The following SYNGR1 variants were observed in gnomAD, a reference collection of about 807,000 sequenced individuals.
SYNGR1 encodes synaptogyrin-1.
In SYNGR1, 14 loss-of-function variants were observed where a neutral mutation model predicts 26.1. The ratio of observed to expected loss-of-function variants is 0.54; its 90% CI spans 0.35 to 0.84. SYNGR1 has a LOEUF of 0.84. SYNGR1 is among the 40% of genes least tolerant of loss of function. The pLI, the probability that SYNGR1 is intolerant of heterozygous loss-of-function variation, is 0.01. For synonymous variants in SYNGR1, 141 were observed against 150.1 expected (o/e 0.94, Z 0.44); for missense variants, 319 against 332.9 (o/e 0.96, Z 0.33).
chr22:39,370,247 C>T (rs867929210), intron 1 of SYNGR1, among the ~76,000 whole-genome samples: 4 of 152,102 alleles, frequency 2.6e-5, no homozygotes, highest in African/African-American at 7.2e-5. Context: ...TCTCCTGCCT[C>T]AGCCTCCTGA....
At chr22:39,351,284 T>C (rs1923895223) in intron 1 of SYNGR1, among the ~76,000 whole-genome samples, 1 of 152,210 alleles carries the variant, frequency 6.6e-6, no homozygotes, top group African/African-American at 2.4e-5. Context: ...AGCTTCCTCC[T>C]TTCCTTGGTT....
intron 2 of SYNGR1, 53 bp downstream of exon 2, chr22:39,374,606 C>G (rs759640966): frequency 1.3e-6 from 2 of 1,586,308 alleles, no homozygotes; most frequent in African/African-American, 2.7e-5. Flanking sequence ...AGGGCTGTCC[C>G]GGCCATAGGA....
rs1009381732 is a variant in SYNGR1, at chr22:39,350,282, G to C, written c.99+173G>C. 5.3e-5 allele frequency among the ~76,000 whole-genome samples: 8 copies of C among 151,858 alleles called. No homozygotes were observed. The highest frequency in any genetic ancestry group is 1.9e-4 in the African/African-American group (8 of 41,398). ...CCCGCTGCCGCCGCTCCTCCTTCCC[G>C]GGCCCGGGGCGGGCGGGATCCCTGG... On this transcript the variant is annotated intron_variant, in intron 1 of 3. Coordinates refer to ENST00000328933, the MANE Select transcript of SYNGR1 (RefSeq NM_004711.5). The surrounding 1 kb of genome is among the most constrained non-coding windows in gnomAD (Gnocchi z 4.3).
At chr22:39,355,099 T>G (rs141814352) in intron 1 of SYNGR1, among the ~76,000 whole-genome samples, 50 of 152,220 alleles carry the variant, frequency 3.3e-4, no homozygotes, top group Admixed American at 7.2e-4. Flanking sequence ...CTCGCTCCAA[T>G]AACGAGAACA....
chr22:39,378,041 C>T (rs78179516), intron 3 of SYNGR1: 439 of 1,191,960 alleles, frequency 3.7e-4, no homozygotes, highest in Middle Eastern at 1.1e-3. Context: ...AGGTAGGTAG[C>T]GGCCCCATAC....
chr22:39,375,686 G>A lies in SYNGR1; in HGVS notation c.338-366G>A, dbSNP rs967113405. 4 of 580,188 alleles carry A rather than the reference G, an allele frequency of 6.9e-6. No homozygotes were observed. The African/African-American group carries it at 7.5e-5, about 11-fold the overall frequency. 35.9% of individuals were successfully genotyped at this position (580,188 alleles called of 1,614,324 possible). On this transcript the variant is annotated intron_variant, in intron 2 of 3. Coordinates refer to ENST00000328933, the MANE Select transcript of SYNGR1 (RefSeq NM_004711.5). ...GACCGGGGGGGCCCACGTCAGCGGT[G>A]TGGCTGGACATGGGGGTTTGGCAGA...
intron 3 of SYNGR1, 47 bp downstream of exon 3, chr22:39,376,244 A>G: frequency 6.2e-7 from 1 of 1,612,748 alleles, no homozygotes; most frequent in Non-Finnish European, 8.5e-7. Flanking sequence ...CCCTTTCCCC[A>G]CTGAGCCCCT....
rs572259594 is a variant in SYNGR1, at chr22:39,373,175, AT to A, written c.100-1128del. On this transcript the variant is annotated intron_variant, in intron 1 of 3. Coordinates refer to ENST00000328933, the MANE Select transcript of SYNGR1 (RefSeq NM_004711.5). ...CACACACACACACACACATAGATAG[AT>A]TTTTTTTTTTTTGAGAGTGTCTTGC... Among the ~76,000 whole-genome samples the A allele has an allele frequency of 8.8e-3, 1,271 of 144,610 alleles. 21 individuals are homozygous for A. The highest frequency in any genetic ancestry group is 0.027 in the African/African-American group (1,086 of 39,522). 94.9% of individuals were successfully genotyped at this position (144,610 alleles called of 152,430 possible).
chr22:39,375,107 T>C (rs1925219301), intron 2 of SYNGR1: 2 of 167,754 alleles, frequency 1.2e-5, no homozygotes, highest in Admixed American at 1.1e-4. Flanking sequence ...ATCTGATTGG[T>C]GGATGCTCTC....
intron 1 of SYNGR1, among the ~76,000 whole-genome samples, chr22:39,373,273 A>T (rs977981214): frequency 6.6e-6 from 1 of 151,088 alleles, no homozygotes; most frequent in East Asian, 2.0e-4. Context: ...GGTTCAAGTG[A>T]TTCTCCTGCC....
Position 39,350,032 on chromosome 22 carries a change from G to C in SYNGR1, c.22G>C (p.Ala8Pro). Residue 8 changes from alanine (A) to proline (P), a missense_variant, in exon 1 of 4, where the codon GCG (alanine) becomes CCG (proline). Coordinates refer to ENST00000328933, the MANE Select transcript of SYNGR1 (RefSeq NM_004711.5). The surrounding 1 kb of genome is among the most constrained non-coding windows in gnomAD (Gnocchi z 4.3). ...CACGATGGAAGGGGGTGCGTACGGA[G>C]CGGGCAAAGCCGGGGGCGCCTTCGA... is the stretch of plus-strand genomic sequence containing the variant. Reference protein sequence around the residue: MEGGAYGAGKAGGAFDPY... With the variant: MEGGAYGPGKAGGAFDPY... The C allele has an allele frequency of 1.4e-6, 2 of 1,394,294 alleles. No homozygotes were observed. Among genetic ancestry groups the C allele is most frequent in the South Asian group, 2.9e-5 (2 of 69,500 alleles). The allele number at this position is 1,394,294 out of a possible 1,614,324, so 86.4% of individuals were successfully genotyped here. A position where few individuals can be genotyped will look rare whatever the true frequency, so the allele number is the denominator to read the frequency against.
At chr22:39,375,658 G>T in intron 2 of SYNGR1, 1 of 554,926 alleles carries the variant, frequency 1.8e-6, no homozygotes, top group East Asian at 3.0e-5. Flanking sequence ...GGCATCAGGG[G>T]TGGACCGGGG....
At chr22:39,359,522 C>CCGG (rs1924361318) in intron 1 of SYNGR1, among the ~76,000 whole-genome samples, 1 of 150,832 alleles carries the variant, frequency 6.6e-6, no homozygotes, top group Non-Finnish European at 1.5e-5. Context: ...TCCCAGCTAC[C>CCGG]CGGGAGGCTG....
At chr22:39,363,472 A>G (rs992610034) in intron 1 of SYNGR1, among the ~76,000 whole-genome samples, 1 of 151,958 alleles carries the variant, frequency 6.6e-6, no homozygotes, top group Non-Finnish European at 1.5e-5. Flanking sequence ...CCCGAATGTC[A>G]GACTGGTTGG....
intron 1 of SYNGR1, among the ~76,000 whole-genome samples, chr22:39,358,507 C>T (rs1447463814): frequency 6.6e-6 from 1 of 152,040 alleles, no homozygotes; most frequent in Middle Eastern, 3.2e-3. Flanking sequence ...CGAAGGTCTG[C>T]AGCTTCATTC....
chr22:39,379,304 T>C (rs1484324911), intron 3 of SYNGR1, among the ~76,000 whole-genome samples: 1 of 152,200 alleles, frequency 6.6e-6, no homozygotes, highest in Non-Finnish European at 1.5e-5. Context: ...CAGAAAGTGC[T>C]TCCCCTCAGA....
At position 39,350,209 on chromosome 22, in the gene SYNGR1, C is replaced by A; in HGVS notation, c.99+100C>A. 1 of 811,140 alleles carries A rather than the reference C, an allele frequency of 1.2e-6. No homozygotes were observed. Among genetic ancestry groups the A allele is most frequent in the Non-Finnish European group, 1.6e-6 (1 of 633,724 alleles). The allele number at this position is 811,140 out of a possible 1,614,324, so 50.2% of individuals were successfully genotyped here. On this transcript the variant is annotated intron_variant, in intron 1 of 3. Coordinates refer to ENST00000328933, the MANE Select transcript of SYNGR1 (RefSeq NM_004711.5). This position sits in a 1 kb window ranked among gnomAD's most constrained non-coding sequence, Gnocchi z 4.3. ...GACCCCGACCCCGACCCCAACGGGC[C>A]CCCGGCGGCGGCGCGGCGGCGGGCG... is the stretch of plus-strand genomic sequence containing the variant.
chr22:39,359,270 G>A (rs919861384), intron 1 of SYNGR1, among the ~76,000 whole-genome samples: 1 of 151,944 alleles, frequency 6.6e-6, no homozygotes, highest in Non-Finnish European at 1.5e-5. Context: ...ACCAGCACTG[G>A]GTCGCCCACT....
At chr22:39,363,293 T>C (rs1924576325) in intron 1 of SYNGR1, among the ~76,000 whole-genome samples, 1 of 148,262 alleles carries the variant, frequency 6.7e-6, no homozygotes, top group Non-Finnish European at 1.5e-5. Flanking sequence ...ACCTGGGGGG[T>C]GACATGACCT....
Sources: allele counts gnomAD v4.1 joint callset (sites outside exome capture counted in the v4.1 genomes callset), GRCh38; gene constraint gnomAD v4.1.1; non-coding constraint Gnocchi (gnomAD v3.1); transcripts MANE v1.5; gene names NCBI Gene and HGNC (gene_info 2026-07-23, HGNC 2026-07-21).